TARS3: variants seen among roughly 807,000 people sequenced by gnomAD.
TARS3 encodes the protein threonine--tRNA ligase 2, cytoplasmic.
Under a neutral mutation model 103.5 loss-of-function variants are expected in TARS3, and 94 were observed. The observed-to-expected ratio is 0.91, with a 90% CI of 0.77 to 1.08. The LOEUF (loss-of-function observed/expected upper bound fraction) is 1.08. Among genes scored for constraint, TARS3 ranks in the 50% least tolerant of loss-of-function variants. The pLI, the probability that TARS3 is intolerant of heterozygous loss-of-function variation, is 0.00. For synonymous variants in TARS3, 416 were observed against 355.4 expected, an observed-to-expected ratio of 1.17 and a Z score of -1.92; for missense variants, 952 against 995.2, an observed-to-expected ratio of 0.96 and a Z score of 0.58.
rs768664841 is a variant in TARS3, at chr15:101,671,493, A to G, written c.1960T>C (p.Tyr654His). 1 of 1,602,670 alleles carries G rather than the reference A, an allele frequency of 6.2e-7. No individual in the cohort carries two copies. Among genetic ancestry groups the G allele is most frequent in the Non-Finnish European group, 8.5e-7 (1 of 1,170,238 alleles). Residue 654 changes from tyrosine (Y) to histidine (H), a missense_variant, in exon 15 of 19, where the codon TAT (tyrosine) becomes CAT (histidine). Tyr to His is a moderately conservative substitution (Grantham distance 83, BLOSUM62 2). Transcript: ENST00000335968. ...TCACATTCAATCACTCACCTAACAT[A>G]TGTGAGATTAAATCTAATAGGCAGT... is the stretch of plus-strand genomic sequence containing the variant. ...FQLPIRFNLT[Y>H]VSKDGDDKKR...
In TARS3 at chr15:101,684,134, A is replaced by G; in HGVS notation, c.1591T>C (p.Leu531=). ...TGCTGGAAGCGCCTCACTCTGGTCAAGCCGCTGAGAGTCCCCGACAGTTCA... is the reference window on the plus strand; with the variant it reads ...TGCTGGAAGCGCCTCACTCTGGTCAGGCCGCTGAGAGTCCCCGACAGTTCA... ...RNELSGTLSG[L]TRVRRFQQDD... Residue 531 remains leucine, a synonymous_variant, in exon 12 of 19, where the codon TTG becomes CTG. Coordinates refer to ENST00000335968, the MANE Select transcript of TARS3 (RefSeq NM_152334.3). 6.2e-7 allele frequency: 1 copy of G among 1,614,098 alleles called. No homozygotes were observed. The highest frequency in any genetic ancestry group is 8.5e-7 in the Non-Finnish European group (1 of 1,179,988).
intron 18 of TARS3, among the ~76,000 whole-genome samples, chr15:101,656,537 T>C (rs1307139606): frequency 2.0e-5 from 3 of 152,254 alleles, no homozygotes; most frequent in Non-Finnish European, 4.4e-5. Context: ...ATCTTTTCTT[T>C]CTGTTAGTTT....
chr15:101,708,813 T>C lies in TARS3; in HGVS notation c.910A>G (p.Ile304Val), dbSNP rs747236338. 2 of 1,612,820 alleles carry C rather than the reference T, an allele frequency of 1.2e-6. No homozygotes were observed. The highest frequency in any genetic ancestry group is 1.7e-6 in the Non-Finnish European group (2 of 1,178,832). The change falls in exon 6 of 19, where the codon ATC (isoleucine) becomes GTC (valine). Residue 304 changes from isoleucine (I) to valine (V), a missense_variant. This residue lies in a region of TARS3 where 540 missense variants were observed against 631.0 expected (regional missense o/e 0.86). Coordinates refer to ENST00000335968, the MANE Select transcript of TARS3 (RefSeq NM_152334.3). ...GTTACCTTAAACATTTCCAGGAGGA[T>C]TTCCTTGCTGACTTCTAGTCTTTCA... ...PFERLEVSKE[I>V]LLEMFKYNKF... is the part of the protein sequence containing the mutation.
In TARS3 at chr15:101,722,583, G is replaced by A. The variant is rs185900952; in HGVS notation, c.369+510C>T. 3.5e-3 allele frequency among the ~76,000 whole-genome samples: 487 copies of A among 141,032 alleles called. 2 individuals are homozygous for A. Among genetic ancestry groups the A allele is most frequent in the Middle Eastern group, 8.3e-3 (2 of 240 alleles). The allele number at this position is 141,032 out of a possible 152,430, so 92.5% of individuals were successfully genotyped here. On this transcript the variant is annotated intron_variant, in intron 2 of 18. Transcript: ENST00000335968. ...GCACTTTGGGAAGCCAAGGTGGGCG[G>A]ATCATGAGGTCAGGAGATCGAGATC...
chr15:101,659,078 A>G lies in TARS3; in HGVS notation c.2073-1221T>C, dbSNP rs367557144. Among the ~76,000 whole-genome samples, 498 of 152,368 alleles carry G rather than the reference A, an allele frequency of 3.3e-3. 2 individuals are homozygous for G. Among genetic ancestry groups the G allele is most frequent in the African/African-American group, 0.011 (439 of 41,592 alleles). ...AAGGTTGGGATTACAGGCGTGAGCC[A>G]CCACATCCGGCCTCTATATAACTTC... On this transcript the variant is annotated intron_variant, in intron 16 of 18. Coordinates refer to ENST00000335968, the MANE Select transcript of TARS3 (RefSeq NM_152334.3).
Position 101,703,875 on chromosome 15 carries a change from G to C in TARS3, c.1058C>G (p.Thr353Ser), listed in dbSNP as rs200098224. ...PHVRHTGKIK[T>S]IKIFKNSSTY... ...AATCCTTACCTTAAAAATTTTGATG[G>C]TTTTAATTTTTCCAGTGTGTCTTAC... is the stretch of plus-strand genomic sequence containing the variant. The change falls in exon 8 of 19, where the codon ACC becomes AGC. Residue 353 changes from threonine (T) to serine (S), a missense_variant. Thr to Ser is a moderately conservative substitution (Grantham distance 58). Around this residue, in one of 2 missense-constraint regions of TARS3, gnomAD observed 540 missense variants for 631.0 expected, o/e 0.86. Transcript: ENST00000335968. 1.2e-6 allele frequency: 2 copies of C among 1,612,268 alleles called. No homozygotes were observed. Among genetic ancestry groups the C allele is most frequent in the South Asian group, 2.2e-5 (2 of 90,746 alleles).
At chr15:101,672,771 C>T (rs562341000) in intron 13 of TARS3, among the ~76,000 whole-genome samples, 1 of 152,150 alleles carries the variant, frequency 6.6e-6, no homozygotes. Flanking sequence ...AAAGCCACCC[C>T]ACGGAGACAC....
At position 101,675,989 on chromosome 15, in the gene TARS3, G is replaced by A. The variant is rs569856360; in HGVS notation, c.1651-252C>T. On this transcript the variant is annotated intron_variant, in intron 12 of 18. Coordinates refer to ENST00000335968, the MANE Select transcript of TARS3 (RefSeq NM_152334.3). ...AGCGCCGCGCACAGGAGAGCGGCAC[G>A]GAGGGGCTGCCCAGAGGAAGTGAGA... Among the ~76,000 whole-genome samples, 24 of 152,322 alleles carry A rather than the reference G, an allele frequency of 1.6e-4. 1 individual carries two copies. Among genetic ancestry groups the A allele is most frequent in the African/African-American group, 5.5e-4 (23 of 41,556 alleles).
At chr15:101,677,882 T>A (rs1235147526) in intron 12 of TARS3, among the ~76,000 whole-genome samples, 2 of 152,196 alleles carry the variant, frequency 1.3e-5, no homozygotes, top group East Asian at 3.9e-4. Flanking sequence ...TCCACCCACC[T>A]CAGCCTCCCA....
intron 3 of TARS3, among the ~76,000 whole-genome samples, chr15:101,717,506 T>C (rs1002112542): frequency 3.3e-5 from 5 of 152,246 alleles, no homozygotes; most frequent in Non-Finnish European, 5.9e-5. Flanking sequence ...CCAGCCTTCC[T>C]TGCAGCTACA....
At chr15:101,722,980 C>T (rs1900564828) in intron 2 of TARS3, 113 bp downstream of exon 2, 15 of 1,025,180 alleles carry the variant, frequency 1.5e-5, no homozygotes, top group Non-Finnish European at 2.2e-5. Flanking sequence ...ACTAATGTGA[C>T]CCAAATAATA....
Position 101,654,027 on chromosome 15 carries a change from T to C in TARS3, c.*555A>G, listed in dbSNP as rs961214984. 1.3e-5 allele frequency: 2 copies of C among 152,458 alleles called. No homozygotes were observed. Among genetic ancestry groups the C allele is most frequent in the African/African-American group, 4.8e-5 (2 of 41,454 alleles). The allele number at this position is 152,458 out of a possible 1,614,324, so 9.4% of individuals were successfully genotyped here. A position where few individuals can be genotyped will look rare whatever the true frequency, so the allele number is the denominator to read the frequency against. Reference sequence around the variant, plus strand: ...CATTTAAATGGCAACTCTTAACCTATAGTGCAAACACCAGATTCCACAAAA... The same window carrying C: ...CATTTAAATGGCAACTCTTAACCTACAGTGCAAACACCAGATTCCACAAAA... On this transcript the variant is annotated 3_prime_UTR_variant, in exon 19 of 19. Transcript: ENST00000335968.
At chr15:101,671,790 C>A in intron 13 of TARS3, 42 bp from the exon 14 acceptor site, 1 of 1,349,206 alleles carries the variant, frequency 7.4e-7, no homozygotes, top group Non-Finnish European at 1.0e-6. Context: ...TACACTGTAT[C>A]TTTTTTTTTT....
chr15:101,684,958 G>C (rs914215889), intron 11 of TARS3, among the ~76,000 whole-genome samples: 1 of 152,176 alleles, frequency 6.6e-6, no homozygotes, highest in African/African-American at 2.4e-5. Context: ...GTTAACACAA[G>C]TGTTTTACAA....
chr15:101,722,553 T>C (rs908804614), intron 2 of TARS3, among the ~76,000 whole-genome samples: 15 of 136,264 alleles, frequency 1.1e-4, no homozygotes, highest in African/African-American at 4.1e-4. Flanking sequence ...ACGCCTGTAA[T>C]CCCAGCACTT....
intron 5 of TARS3, 35 bp from the exon 6 acceptor site, chr15:101,708,945 C>A: frequency 7.4e-7 from 1 of 1,359,524 alleles, no homozygotes; most frequent in South Asian, 1.4e-5. Context: ...CATCCATCTT[C>A]CAGACATTAT....
At chr15:101,696,498 C>A (rs1274138050) in intron 10 of TARS3, among the ~76,000 whole-genome samples, 1 of 152,142 alleles carries the variant, frequency 6.6e-6, no homozygotes, top group Non-Finnish European at 1.5e-5. Flanking sequence ...CTATGAAAGA[C>A]AGTAATGATG....
At chr15:101,678,606 C>G (rs376557014) in intron 12 of TARS3, among the ~76,000 whole-genome samples, 12 of 152,132 alleles carry the variant, frequency 7.9e-5, no homozygotes, top group African/African-American at 2.9e-4. Flanking sequence ...ATTCCCTATA[C>G]CTTACCCCAT....
chr15:101,672,467 G>A (rs987293402), intron 13 of TARS3, among the ~76,000 whole-genome samples: 44 of 152,114 alleles, frequency 2.9e-4, no homozygotes, highest in Admixed American at 2.0e-3. Context: ...GCCAAAACAC[G>A]AGCCAAACTC....
Sources: allele counts gnomAD v4.1 joint callset (sites outside exome capture counted in the v4.1 genomes callset), GRCh38; gene constraint gnomAD v4.1.1; regional missense constraint gnomAD v4.1.1; transcripts MANE v1.5; gene names NCBI Gene and HGNC (gene_info 2026-07-23, HGNC 2026-07-21).